Variants in STYX observed in about 807,000 individuals in gnomAD.
The protein encoded by STYX is serine/threonine/tyrosine-interacting protein.
In STYX, 20 loss-of-function variants were observed where a neutral mutation model predicts 42.7. That is an observed-to-expected ratio of 0.47 (90% CI 0.33 to 0.68). The LOEUF is 0.68. STYX is among the 30% of genes least tolerant of loss of function. The pLI, the probability that STYX is intolerant of heterozygous loss-of-function variation, is 0.02. For synonymous variants in STYX, 78 were observed against 81.9 expected, an observed-to-expected ratio of 0.95 and a Z score of 0.26; for missense variants, 226 against 268.5, an observed-to-expected ratio of 0.84 and a Z score of 1.11.
rs1283256733 is a variant in STYX, at chr14:52,773,199, A to G, written c.*2093A>G. ...TAATTTGTAGCTGGTAATTTTCCAC[A>G]TTTTCTATCCACTGTAATTTTTATG... On this transcript the variant is annotated 3_prime_UTR_variant, in exon 11 of 11. Transcript: ENST00000354586. 1 of 151,834 alleles carries G rather than the reference A, an allele frequency of 6.6e-6. No individual in the cohort carries two copies. Among genetic ancestry groups the G allele is most frequent in the African/African-American group, 2.4e-5 (1 of 41,302 alleles). The allele number at this position is 151,834 out of a possible 1,614,324, so 9.4% of individuals were successfully genotyped here.
In STYX at chr14:52,757,959, A is replaced by T. The variant is rs1369340820; in HGVS notation, c.431+35A>T. ...TACCCTAAAACCTAGCCACAGTTTAAATTCTCATTAAAATGAAACTTAATG... is the reference window on the plus strand; with the variant it reads ...TACCCTAAAACCTAGCCACAGTTTATATTCTCATTAAAATGAAACTTAATG... On this transcript the variant is annotated intron_variant, in intron 8 of 10. Transcript: ENST00000354586. 6 of 1,597,312 alleles carry T rather than the reference A, an allele frequency of 3.8e-6. No individual in the cohort carries two copies. In the Admixed American group the frequency reaches 1.0e-4, roughly 28 times the overall value.
intron 10 of STYX, 33 bp downstream of exon 10, chr14:52,768,966 G>A (rs1220522102): frequency 9.3e-6 from 14 of 1,502,426 alleles, no homozygotes; most frequent in South Asian, 1.3e-5. Context: ...AGAAATTTGG[G>A]AAGAAAGATA....
At position 52,730,449 on chromosome 14, in the gene STYX, C is replaced by A; in HGVS notation, c.-26C>A. 2 of 1,612,414 alleles carry A rather than the reference C, an allele frequency of 1.2e-6. No individual in the cohort carries two copies. Among genetic ancestry groups the A allele is most frequent in the Non-Finnish European group, 1.7e-6 (2 of 1,179,426 alleles). On this transcript the variant is annotated 5_prime_UTR_variant, in exon 1 of 11. Transcript: ENST00000354586. ...CCGGCTGTGTAACACTCTCCCACCC[C>A]ACCCACCAGCCCGCGGGCCAGCACC...
In STYX at chr14:52,771,388, A is replaced by G. The variant is rs935048918; in HGVS notation, c.*282A>G. The G allele has an allele frequency of 4.0e-5, 11 of 274,172 alleles. No individual in the cohort carries two copies. Among genetic ancestry groups the G allele is most frequent in the African/African-American group, 2.2e-4 (10 of 45,704 alleles). 17.0% of individuals were successfully genotyped at this position (274,172 alleles called of 1,614,324 possible). ...AACCAAGAATTTTGGACTTGCAAAG[A>G]GGTATTATTGCAATAATGCACTTTT... On this transcript the variant is annotated 3_prime_UTR_variant, in exon 11 of 11. Transcript: ENST00000354586.
chr14:52,768,690 G>T (rs1882401056), intron 9 of STYX, 150 bp from the exon 10 acceptor site: 1 of 515,870 alleles, frequency 1.9e-6, no homozygotes, highest in East Asian at 3.5e-5. Flanking sequence ...TATGAGACAG[G>T]AATTTTAAAC....
chr14:52,743,921 A>G (rs1209422279), intron 1 of STYX, among the ~76,000 whole-genome samples: 5 of 152,160 alleles, frequency 3.3e-5, no homozygotes, highest in South Asian at 4.1e-4. Context: ...TCCCAGGCTC[A>G]AGCGATCTTC....
chr14:52,731,049 A>G (rs1293063005), intron 1 of STYX, among the ~76,000 whole-genome samples: 2 of 152,232 alleles, frequency 1.3e-5, no homozygotes, highest in East Asian at 1.9e-4. Flanking sequence ...TCTTAATCTG[A>G]GAACTCTTAA....
intron 2 of STYX, 99 bp from the exon 3 acceptor site, chr14:52,746,327 G>A (rs771343492): frequency 1.3e-6 from 1 of 794,292 alleles, no homozygotes. Context: ...GTTGTATCTT[G>A]TGCTGCTTTT....
Position 52,757,221 on chromosome 14 carries a change from A to G in STYX, c.304-98A>G, listed in dbSNP as rs572382361. 4.8e-5 allele frequency: 44 copies of G among 925,812 alleles called. No individual in the cohort carries two copies. The African/African-American group carries it at 6.8e-4, about 14-fold the overall frequency. 57.3% of individuals were successfully genotyped at this position (925,812 alleles called of 1,614,324 possible). A position where few individuals can be genotyped will look rare whatever the true frequency, so the allele number is the denominator to read the frequency against. On this transcript the variant is annotated intron_variant, in intron 5 of 10. Transcript: ENST00000354586. Reference sequence around the variant, plus strand: ...ATTGGTGAATCAAAATAATTTTTATACATATAAATTAGGAAATTGTTTTCA... The same window carrying G: ...ATTGGTGAATCAAAATAATTTTTATGCATATAAATTAGGAAATTGTTTTCA...
intron 1 of STYX, among the ~76,000 whole-genome samples, chr14:52,735,830 T>C (rs943033953): frequency 2.6e-5 from 4 of 152,242 alleles, no homozygotes; most frequent in Non-Finnish European, 5.9e-5. Context: ...ACTTTCACGT[T>C]TCTTGAAATA....
intron 1 of STYX, among the ~76,000 whole-genome samples, chr14:52,736,038 T>C (rs891256586): frequency 1.3e-5 from 2 of 152,210 alleles, no homozygotes; most frequent in Non-Finnish European, 2.9e-5. Context: ...TGAGCTACTC[T>C]TCTTGCTCCT....
chr14:52,771,088 G>C lies in STYX; in HGVS notation c.654G>C (p.Ala218=), dbSNP rs1229127398. 2 of 1,610,794 alleles carry C rather than the reference G, an allele frequency of 1.2e-6. No homozygotes were observed. The highest frequency in any genetic ancestry group is 1.3e-5 in the African/African-American group (1 of 74,834). Residue 218 remains alanine, a synonymous_variant, in exon 11 of 11, where the codon GCG becomes GCC. Coordinates refer to ENST00000354586, the MANE Select transcript of STYX (RefSeq NM_145251.4). ...EEDDFGTMQV[A]TAQNG is the part of the protein sequence containing the mutation. ...ATGATTTTGGAACCATGCAAGTGGC[G>C]ACTGCACAGAATGGCTGACTTGAAG... is the stretch of plus-strand genomic sequence containing the variant.
intron 5 of STYX, 53 bp from the exon 6 acceptor site, chr14:52,757,266 A>AT: frequency 7.2e-7 from 1 of 1,391,364 alleles, no homozygotes; most frequent in East Asian, 2.3e-5. Context: ...ATTTTGTTTC[A>AT]TTATATGCAT....
At chr14:52,731,975 G>GT (rs1348541780) in intron 1 of STYX, among the ~76,000 whole-genome samples, 4 of 147,118 alleles carry the variant, frequency 2.7e-5, no homozygotes, top group South Asian at 2.1e-4. Flanking sequence ...GTAGCGATGG[G>GT]TTTTTTCTCC....
Position 52,736,801 on chromosome 14 carries a change from T to C in STYX, c.57+6270T>C, listed in dbSNP as rs904630004. 2.3e-5 allele frequency among the ~76,000 whole-genome samples: 3 copies of C among 129,830 alleles called. No homozygotes were observed. In the East Asian group the frequency reaches 6.5e-4, roughly 28 times the overall value. 85.2% of individuals were successfully genotyped at this position (129,830 alleles called of 152,430 possible). A position where few individuals can be genotyped will look rare whatever the true frequency, so the allele number is the denominator to read the frequency against. Reference sequence around the variant, plus strand: ...TCTAATGTTCAGTCAGGTTTAAAAATTGCTGGTTTAGAAAATATCTTACTT... The same window carrying C: ...TCTAATGTTCAGTCAGGTTTAAAAACTGCTGGTTTAGAAAATATCTTACTT... On this transcript the variant is annotated intron_variant, in intron 1 of 10. Coordinates refer to ENST00000354586, the MANE Select transcript of STYX (RefSeq NM_145251.4).
chr14:52,730,184 T>A lies in STYX; in HGVS notation c.-291T>A, dbSNP rs1880626839. On this transcript the variant is annotated 5_prime_UTR_variant, in exon 1 of 11. Transcript: ENST00000354586. The stretch of plus-strand genomic sequence containing the variant: ...GGGAGACGGTTGTCGGGCTGGTTCC[T>A]GTGCTGGATCCTGGGCGGCCTGAGG... 2.1e-6 allele frequency: 1 copy of A among 466,562 alleles called. No homozygotes were observed. The highest frequency in any genetic ancestry group is 3.6e-5 in the South Asian group (1 of 28,126). The allele number at this position is 466,562 out of a possible 1,614,324, so 28.9% of individuals were successfully genotyped here.
At chr14:52,755,105 T>G (rs1033877957) in intron 4 of STYX, among the ~76,000 whole-genome samples, 4 of 145,568 alleles carry the variant, frequency 2.7e-5, no homozygotes, top group Non-Finnish European at 4.5e-5. Flanking sequence ...CTGTGTTTTT[T>G]TTTGTTTGTT....
rs1462696700 is a variant in STYX at position 52,759,662 on chromosome 14, C to T, written c.432-20C>T. 1.3e-6 allele frequency: 2 copies of T among 1,517,038 alleles called. No homozygotes were observed. The highest frequency in any genetic ancestry group is 1.4e-5 in the African/African-American group (1 of 72,918). 94.0% of individuals were successfully genotyped at this position (1,517,038 alleles called of 1,614,324 possible). ...TCATTAAATAATGCTATCACATTAACACTCTTTTTCTGTTTTCAGAGATGC... is the reference window on the plus strand; with the variant it reads ...TCATTAAATAATGCTATCACATTAATACTCTTTTTCTGTTTTCAGAGATGC... On this transcript the variant is annotated intron_variant, in intron 8 of 10. Transcript: ENST00000354586.
chr14:52,742,492 C>G (rs1264738356), intron 1 of STYX, among the ~76,000 whole-genome samples: 1 of 152,100 alleles, frequency 6.6e-6, no homozygotes, highest in Non-Finnish European at 1.5e-5. Flanking sequence ...TAAAGCCAAA[C>G]ATAGGCCTAC....
Sources: gnomAD v4.1 joint callset for allele counts (sites outside exome capture counted in the v4.1 genomes callset) on GRCh38, gnomAD v4.1.1 for gene constraint, MANE v1.5 for transcripts, NCBI Gene and HGNC (gene_info 2026-07-23, HGNC 2026-07-21) for gene names.